PAK1: variants seen among roughly 807,000 people sequenced by gnomAD.
The protein encoded by PAK1 is serine/threonine-protein kinase PAK 1.
Under a neutral mutation model 67.4 loss-of-function variants are expected in PAK1, and 29 were observed. The observed-to-expected ratio is 0.43, with a 90% confidence interval of 0.32 to 0.59. The LOEUF is 0.59. PAK1 is among the 20% of genes least tolerant of loss of function. The pLI, the probability that PAK1 is intolerant of heterozygous loss-of-function variation, is 0.07. For synonymous variants in PAK1, 223 were observed against 237.4 expected (o/e 0.94, Z 0.56); for missense variants, 337 against 670.7 (o/e 0.50, Z 5.50).
chr11:77,339,490 C>CA (rs11331656), intron 11 of PAK1, among the ~76,000 whole-genome samples: 9 of 148,976 alleles, frequency 6.0e-5, no homozygotes, highest in South Asian at 4.3e-4. Flanking sequence ...AGTAGTGGAA[C>CA]AAAAAAAAAA....
At chr11:77,374,799 C>T (rs1192005695) in intron 4 of PAK1, among the ~76,000 whole-genome samples, 4 of 152,122 alleles carry the variant, frequency 2.6e-5, no homozygotes, top group African/African-American at 9.7e-5. Flanking sequence ...CACGTTACTG[C>T]AGGCAACTGT....
At chr11:77,333,197 T>TTC (rs1942029740) in intron 13 of PAK1, among the ~76,000 whole-genome samples, 1 of 136,026 alleles carries the variant, frequency 7.4e-6, no homozygotes, top group African/African-American at 3.1e-5. Flanking sequence ...TCTTCTTCTT[T>TTC]TTTTTTTTTT....
At chr11:77,514,352 G>C in the PAK1 span, among the ~76,000 whole-genome samples, 2 of 152,044 alleles carry the variant, frequency 1.3e-5, no homozygotes, top group East Asian at 3.9e-4. Context: ...AAAATTAGTC[G>C]GGTGTAGTGG....
At chr11:77,398,207 A>C (rs2137605105) in intron 1 of PAK1, among the ~76,000 whole-genome samples, 1 of 152,202 alleles carries the variant, frequency 6.6e-6, no homozygotes, top group African/African-American at 2.4e-5. Flanking sequence ...AATAGGTCTT[A>C]TTTATTCTAT....
the PAK1 span, among the ~76,000 whole-genome samples, chr11:77,479,990 G>C: frequency 6.6e-6 from 1 of 152,132 alleles, no homozygotes; most frequent in Non-Finnish European, 1.5e-5. Context: ...TTTCTATCAG[G>C]AGAAAGAGAA....
chr11:77,343,698 A>G, intron 10 of PAK1, 121 bp downstream of exon 10: 1 of 687,624 alleles, frequency 1.5e-6, no homozygotes, highest in Non-Finnish European at 2.6e-6. Context: ...AGAGCTCAGC[A>G]TCACAGAAGA....
At chr11:77,518,331 G>A in the PAK1 span, among the ~76,000 whole-genome samples, 1 of 152,144 alleles carries the variant, frequency 6.6e-6, no homozygotes, top group Admixed American at 6.5e-5. Flanking sequence ...CAAATCTAAT[G>A]GGAAAGAAAG....
At chr11:77,429,736 G>T (rs768990749) in intron 1 of PAK1, among the ~76,000 whole-genome samples, 1 of 152,200 alleles carries the variant, frequency 6.6e-6, no homozygotes, top group African/African-American at 2.4e-5. Context: ...AATGTAACAC[G>T]TGATTCTGAA....
chr11:77,340,559 G>C lies in PAK1; in HGVS notation c.1116+87C>G, dbSNP rs878862751. The C allele has an allele frequency of 1.9e-4, 144 of 765,254 alleles. 2 individuals carry two copies. In the South Asian group the frequency reaches 1.9e-3, roughly 10 times the overall value. The allele number at this position is 765,254 out of a possible 1,614,324, so 47.4% of individuals were successfully genotyped here. A position where few individuals can be genotyped will look rare whatever the true frequency, so the allele number is the denominator to read the frequency against. ...ATTTCTACCAATTCCACAGAGCCCAGGCTGAGATCTCACTGTACAGGGAAC... is the reference window on the plus strand; with the variant it reads ...ATTTCTACCAATTCCACAGAGCCCACGCTGAGATCTCACTGTACAGGGAAC... On this transcript the variant is annotated intron_variant, in intron 11 of 14. Transcript: ENST00000356341.
At chr11:77,431,953 AG>A (rs1042167492) in intron 1 of PAK1, among the ~76,000 whole-genome samples, 2 of 152,140 alleles carry the variant, frequency 1.3e-5, no homozygotes, top group African/African-American at 4.8e-5. Flanking sequence ...CATCAACACA[AG>A]GTACTGTCTT....
At chr11:77,433,416 G>A (rs1955953784) in intron 1 of PAK1, among the ~76,000 whole-genome samples, 1 of 152,152 alleles carries the variant, frequency 6.6e-6, no homozygotes, top group Non-Finnish European at 1.5e-5. Context: ...CAAAATTGGA[G>A]AAAATATTTG....
intron 1 of PAK1, among the ~76,000 whole-genome samples, chr11:77,451,584 G>A (rs537199144): frequency 4.1e-4 from 62 of 151,474 alleles, no homozygotes; most frequent in East Asian, 7.8e-4. Flanking sequence ...CTTTTCTCTC[G>A]TTAATGTCTT....
At chr11:77,455,786 T>C (rs1460341688) in intron 1 of PAK1, 1 of 152,176 alleles carries the variant, frequency 6.6e-6, no homozygotes, top group African/African-American at 2.4e-5. Context: ...AGCTCTTCTA[T>C]CAGTGTGGAA....
chr11:77,521,837 T>C, the PAK1 span, among the ~76,000 whole-genome samples: 5 of 152,358 alleles, frequency 3.3e-5, no homozygotes, highest in East Asian at 9.6e-4. Context: ...TCCGGATTTC[T>C]ACATTACCCA....
At chr11:77,437,845 A>G (rs923164560) in intron 1 of PAK1, among the ~76,000 whole-genome samples, 4 of 152,204 alleles carry the variant, frequency 2.6e-5, no homozygotes, top group Non-Finnish European at 5.9e-5. Flanking sequence ...AATGTTTTCG[A>G]TATCTCCAAG....
At chr11:77,411,303 T>C (rs1292241310) in intron 1 of PAK1, among the ~76,000 whole-genome samples, 1 of 151,976 alleles carries the variant, frequency 6.6e-6, no homozygotes, top group Non-Finnish European at 1.5e-5. Context: ...TGTCAAGTCC[T>C]TCACTGCACA....
At chr11:77,502,010 T>C in the PAK1 span, among the ~76,000 whole-genome samples, 1 of 106,724 alleles carries the variant, frequency 9.4e-6, no homozygotes, top group Non-Finnish European at 2.5e-5. Context: ...CACCTGTGCC[T>C]GCTGGGCATT....
intron 14 of PAK1, 38 bp from the exon 15 acceptor site, chr11:77,323,398 TTAACATTCTTCCCCAG>T: frequency 7.7e-7 from 1 of 1,292,428 alleles, no homozygotes; most frequent in South Asian, 1.2e-5. Context: ...ACATGACTAT[TTAACATTCTTCCCCAG>T]TAACCATTAC....
intron 5 of PAK1, among the ~76,000 whole-genome samples, chr11:77,370,295 T>C (rs1282799625): frequency 5.5e-5 from 8 of 146,742 alleles, no homozygotes; most frequent in Non-Finnish European, 1.0e-4. Flanking sequence ...CGGTAGAATT[T>C]TGCAGTTAAC....
Sources: gnomAD v4.1 joint callset for allele counts (sites outside exome capture counted in the v4.1 genomes callset) on GRCh38, gnomAD v4.1.1 for gene constraint, MANE v1.5 for transcripts, NCBI Gene and HGNC (gene_info 2026-07-23, HGNC 2026-07-21) for gene names.